Variants in CCSER1 observed in about 807,000 individuals in gnomAD.
The protein encoded by CCSER1 is coiled-coil serine rich protein 1.
Under a neutral mutation model 82.0 loss-of-function variants are expected in CCSER1, and 41 were observed. That is an observed-to-expected ratio of 0.50 (90% confidence interval 0.39 to 0.65). The LOEUF is 0.65. Among genes scored for constraint, CCSER1 ranks in the 30% least tolerant of loss-of-function variants. The pLI is 0.00. For synonymous variants in CCSER1, 414 were observed against 383.9 expected (o/e 1.08, Z -0.92); for missense variants, 1,119 against 1,064.2 (o/e 1.05, Z -0.72).
At chr4:90,293,650 T>C (rs1247052128) in intron 1 of CCSER1, among the ~76,000 whole-genome samples, 2 of 150,890 alleles carry the variant, frequency 1.3e-5, no homozygotes, top group Admixed American at 6.6e-5. Flanking sequence ...TTTTCAAAGA[T>C]TTTTTAAATT....
chr4:91,129,964 G>A (rs1446057876), intron 10 of CCSER1: 1 of 151,848 alleles, frequency 6.6e-6, no homozygotes, highest in Non-Finnish European at 1.5e-5. Flanking sequence ...TCTCCAAATT[G>A]GTTGAAGAAA....
At chr4:90,764,725 A>G (rs1750940755) in intron 7 of CCSER1, among the ~76,000 whole-genome samples, 3 of 152,224 alleles carry the variant, frequency 2.0e-5, no homozygotes, top group Middle Eastern at 3.4e-3. Context: ...AGAAAATTGT[A>G]TTTAATTTAT....
chr4:91,107,817 G>A (rs3944130), intron 10 of CCSER1, among the ~76,000 whole-genome samples: 2 of 151,446 alleles, frequency 1.3e-5, no homozygotes, highest in South Asian at 4.2e-4. Flanking sequence ...GTCAGTAATA[G>A]CCCTTCTAGA....
At chr4:91,327,869 A>T (rs1200906424) in intron 10 of CCSER1, among the ~76,000 whole-genome samples, 1 of 152,148 alleles carries the variant, frequency 6.6e-6, no homozygotes, top group Non-Finnish European at 1.5e-5. Context: ...TCAAAGTTCC[A>T]CAGATCTCTA....
chr4:90,582,268 A>G (rs918749454), intron 5 of CCSER1, among the ~76,000 whole-genome samples: 1 of 152,222 alleles, frequency 6.6e-6, no homozygotes, highest in African/African-American at 2.4e-5. Flanking sequence ...GCAAAGGGCC[A>G]GTTCTGAAGA....
chr4:91,417,899 A>T (rs1753461398), intron 10 of CCSER1, among the ~76,000 whole-genome samples: 1 of 152,160 alleles, frequency 6.6e-6, no homozygotes, highest in South Asian at 2.1e-4. Context: ...GCATATGTTG[A>T]GCCACAAAAC....
intron 10 of CCSER1, among the ~76,000 whole-genome samples, chr4:91,451,150 C>A (rs1232191360): frequency 2.6e-5 from 4 of 152,000 alleles, no homozygotes; most frequent in Admixed American, 6.6e-5. Flanking sequence ...CTTGTTTGGG[C>A]TTACTTTATA....
At chr4:91,416,041 T>A (rs536895449) in intron 10 of CCSER1, among the ~76,000 whole-genome samples, 1 of 152,238 alleles carries the variant, frequency 6.6e-6, no homozygotes, top group South Asian at 2.1e-4. Flanking sequence ...CTTTTTTAAT[T>A]GATAGGCTAT....
chr4:90,301,217 T>A (rs1486512132), intron 1 of CCSER1, among the ~76,000 whole-genome samples: 1 of 152,186 alleles, frequency 6.6e-6, no homozygotes, highest in Non-Finnish European at 1.5e-5. Flanking sequence ...ATGATCCATA[T>A]CCAAATTATG....
intron 1 of CCSER1, among the ~76,000 whole-genome samples, chr4:90,146,671 A>G (rs1272726133): frequency 1.3e-5 from 2 of 152,088 alleles, no homozygotes; most frequent in African/African-American, 2.4e-5. Context: ...TTTTGATACA[A>G]TTGGATTATG....
chr4:90,437,903 T>C (rs1052553084), intron 4 of CCSER1, among the ~76,000 whole-genome samples: 3 of 152,180 alleles, frequency 2.0e-5, no homozygotes, highest in African/African-American at 7.2e-5. Context: ...CTAATTATGA[T>C]CTGAGTTTTT....
chr4:91,363,138 AAAAC>A (rs1264896655), intron 10 of CCSER1, among the ~76,000 whole-genome samples: 3 of 151,708 alleles, frequency 2.0e-5, no homozygotes, highest in African/African-American at 7.3e-5. Flanking sequence ...ACAAAAAACA[AAAAC>A]AAAACAAACA....
chr4:91,105,541 T>G (rs2148861029), intron 10 of CCSER1, among the ~76,000 whole-genome samples: 1 of 152,040 alleles, frequency 6.6e-6, no homozygotes, highest in East Asian at 1.9e-4. Flanking sequence ...CCATCTCTAC[T>G]AAAAATATAA....
chr4:91,544,120 A>G (rs1455119693), intron 10 of CCSER1, among the ~76,000 whole-genome samples: 1 of 152,018 alleles, frequency 6.6e-6, no homozygotes, highest in African/African-American at 2.4e-5. Flanking sequence ...TGCATGCGTC[A>G]TGTAGTTCTC....
chr4:91,221,077 TA>T (rs1182313503), intron 10 of CCSER1, among the ~76,000 whole-genome samples: 2 of 152,100 alleles, frequency 1.3e-5, no homozygotes, highest in Non-Finnish European at 1.5e-5. Context: ...TTCTGTGAGA[TA>T]AAAATATATA....
At chr4:90,376,433 A>G (rs766338938) in intron 3 of CCSER1, among the ~76,000 whole-genome samples, 22 of 152,178 alleles carry the variant, frequency 1.4e-4, no homozygotes, top group African/African-American at 2.4e-4. Context: ...CCTTACTTCC[A>G]AAGCTGAGCC....
chr4:90,904,927 A>G (rs1305015916), intron 8 of CCSER1, among the ~76,000 whole-genome samples: 2 of 152,022 alleles, frequency 1.3e-5, no homozygotes, highest in African/African-American at 2.4e-5. Context: ...CCCATCTCCA[A>G]TTGAACCTGC....
chr4:90,858,796 CT>C (rs1408599736), intron 8 of CCSER1, among the ~76,000 whole-genome samples: 1 of 151,718 alleles, frequency 6.6e-6, no homozygotes, highest in African/African-American at 2.4e-5. Flanking sequence ...TAAATTTATA[CT>C]TTTTACTTAG....
intron 6 of CCSER1, among the ~76,000 whole-genome samples, chr4:90,685,559 A>G (rs1734675755): frequency 6.6e-6 from 1 of 152,092 alleles, no homozygotes; most frequent in South Asian, 2.1e-4. Context: ...CTAAATACAC[A>G]TTCTCCAGAA....
Sources: allele counts gnomAD v4.1 joint callset (sites outside exome capture counted in the v4.1 genomes callset), GRCh38; gene constraint gnomAD v4.1.1; transcripts MANE v1.5; gene names NCBI Gene and HGNC (gene_info 2026-07-23, HGNC 2026-07-21).